CAT: variants seen among roughly 807,000 people sequenced by gnomAD.
CAT encodes epididymis secretory sperm binding protein.
CAT carries 43 observed loss-of-function variants against 59.0 expected under a neutral mutation model. That is an observed-to-expected ratio of 0.73 (90% CI 0.57 to 0.94). The LOEUF (loss-of-function observed/expected upper bound fraction) is 0.94. CAT is among the 40% of genes least tolerant of loss of function. The pLI, the probability that CAT is intolerant of heterozygous loss-of-function variation, is 0.00. For missense variants in CAT, 664 were observed against 682.9 expected, an observed-to-expected ratio of 0.97 and a Z score of 0.31; for synonymous variants, 218 against 230.9, an observed-to-expected ratio of 0.94 and a Z score of 0.51.
chr11:34,455,954 A>C, intron 6 of CAT, 57 bp from the exon 7 acceptor site: 1 of 1,480,574 alleles, frequency 6.8e-7, no homozygotes, highest in Non-Finnish European at 9.4e-7. Context: ...TTACTGATGA[A>C]ATTTTGATAA....
At chr11:34,439,741 G>C (rs1856364257) in intron 1 of CAT, among the ~76,000 whole-genome samples, 1 of 152,284 alleles carries the variant, frequency 6.6e-6, no homozygotes, top group East Asian at 1.9e-4. Context: ...TTCGGGGCAA[G>C]GTGTACAAAT....
intron 6 of CAT, 93 bp downstream of exon 6, chr11:34,454,019 C>T (rs1371515506): frequency 1.5e-6 from 2 of 1,367,764 alleles, no homozygotes; most frequent in Non-Finnish European, 2.1e-6. Flanking sequence ...AGGCTTCTCC[C>T]ACTTTTCCCT....
Position 34,449,238 on chromosome 11 carries a change from A to C in CAT, c.113A>C (p.Lys38Thr), listed in dbSNP as rs746898797. 1.2e-6 allele frequency: 2 copies of C among 1,614,182 alleles called. No individual in the cohort carries two copies. The highest frequency in any genetic ancestry group is 2.2e-5 in the South Asian group (2 of 91,080). Residue 38 changes from lysine to threonine, a missense_variant, in exon 2 of 13, where the codon AAA (lysine) becomes ACA (threonine). Coordinates refer to ENST00000241052, the MANE Select transcript of CAT (RefSeq NM_001752.4). ...GGAGCTGGTAACCCAGTAGGAGACA[A>C]ACTTAATGTTATTACAGTAGGGCCC... The part of the protein sequence containing the change: ...TTGAGNPVGD[K>T]LNVITVGPRG...
Position 34,456,023 on chromosome 11 carries a change from AT to A in CAT, c.725del (p.Ile242ThrfsTer43). The A allele has an allele frequency of 7.4e-6, 12 of 1,614,092 alleles. No individual in the cohort carries two copies. The highest frequency in any genetic ancestry group is 1.0e-5 in the Non-Finnish European group (12 of 1,179,986). On this transcript the variant is annotated frameshift_variant, in exon 7 of 13. Transcript: ENST00000241052. LOFTEE classifies it high-confidence loss of function. ...CKFHYKTDQG[I>X]KNLSVEDAAR... ...TTTCATTTTGTAGACTGACCAGGGC[AT>A]CAAAAACCTTTCTGTTGAAGATGCG... is the stretch of plus-strand genomic sequence containing the variant.
chr11:34,439,276 C>T (rs1356494004), intron 1 of CAT, among the ~76,000 whole-genome samples, 197 bp downstream of exon 1: 1 of 152,066 alleles, frequency 6.6e-6, no homozygotes, highest in Admixed American at 6.5e-5. Flanking sequence ...TAGTGGGGCG[C>T]GGGACTGCAG....
intron 2 of CAT, 33 bp from the exon 3 acceptor site, chr11:34,450,955 T>G: frequency 7.1e-7 from 1 of 1,407,508 alleles, no homozygotes; most frequent in Non-Finnish European, 1.0e-6. Context: ...AGTAATGGTC[T>G]CATGGTAAGG....
At chr11:34,452,235 C>A (rs759572483) in intron 4 of CAT, 28 bp downstream of exon 4, 2 of 1,607,920 alleles carry the variant, frequency 1.2e-6, no homozygotes, top group Non-Finnish European at 1.7e-6. Flanking sequence ...TTGCACTCAA[C>A]AAATGTTTGT....
At chr11:34,446,323 G>A (rs542279342) in intron 1 of CAT, among the ~76,000 whole-genome samples, 1 of 152,292 alleles carries the variant, frequency 6.6e-6, no homozygotes, top group South Asian at 2.1e-4. Flanking sequence ...TTAGAGTGGG[G>A]AAATGGAAGA....
chr11:34,452,161 T>C lies in CAT; in HGVS notation c.434T>C (p.Leu145Pro). 6.2e-7 allele frequency: 1 copy of C among 1,613,838 alleles called. No homozygotes were observed. ...KFYTEDGNWD[L>P]VGNNTPIFFI... ...TACACAGAAGATGGTAACTGGGATCTCGTTGGAAATAACACCCCCATTTTC... is the reference window on the plus strand; with the variant it reads ...TACACAGAAGATGGTAACTGGGATCCCGTTGGAAATAACACCCCCATTTTC... The change falls in exon 4 of 13, where the codon CTC becomes CCC. Residue 145 changes from leucine to proline, a missense_variant. Physicochemically the swap from Leu to Pro is moderately conservative, Grantham distance 98 (BLOSUM62 -3). Coordinates refer to ENST00000241052, the MANE Select transcript of CAT (RefSeq NM_001752.4).
At chr11:34,469,519 A>G (rs568559917) in intron 11 of CAT, among the ~76,000 whole-genome samples, 1 of 152,210 alleles carries the variant, frequency 6.6e-6, no homozygotes, top group South Asian at 2.1e-4. Context: ...TGTATCCTTC[A>G]CATTAACTTT....
At chr11:34,463,127 G>C (rs933485109) in intron 9 of CAT, among the ~76,000 whole-genome samples, 1 of 152,064 alleles carries the variant, frequency 6.6e-6, no homozygotes, top group African/African-American at 2.4e-5. Flanking sequence ...AGATTGGTTT[G>C]CTCAAACCAC....
chr11:34,462,994 A>G (rs1485607133), intron 9 of CAT, among the ~76,000 whole-genome samples: 1 of 152,146 alleles, frequency 6.6e-6, no homozygotes, highest in Non-Finnish European at 1.5e-5. Flanking sequence ...CTATAATAGT[A>G]TGGTGTTCTT....
rs565777532 is a variant in CAT at position 34,471,561 on chromosome 11, C to T, written c.*128C>T. 2 of 761,726 alleles carry T rather than the reference C, an allele frequency of 2.6e-6. No individual in the cohort carries two copies. Among genetic ancestry groups the T allele is most frequent in the Non-Finnish European group, 4.8e-6 (2 of 420,184 alleles). The allele number at this position is 761,726 out of a possible 1,614,324, so 47.2% of individuals were successfully genotyped here. ...AGTGGCTTCAAAATAGAGAATCCCACTTTCTATAGCAGATTGTGTAACAAT... is the reference window on the plus strand; with the variant it reads ...AGTGGCTTCAAAATAGAGAATCCCATTTTCTATAGCAGATTGTGTAACAAT... On this transcript the variant is annotated 3_prime_UTR_variant, in exon 13 of 13. Coordinates refer to ENST00000241052, the MANE Select transcript of CAT (RefSeq NM_001752.4).
intron 10 of CAT, 117 bp from the exon 11 acceptor site, chr11:34,468,171 T>C (rs1368315618): frequency 2.5e-6 from 2 of 801,662 alleles, no homozygotes; most frequent in Non-Finnish European, 4.3e-6. Context: ...AATTTAAAAT[T>C]ATTCTTAACT....
chr11:34,441,384 A>G (rs546255816), intron 1 of CAT, among the ~76,000 whole-genome samples: 45 of 152,254 alleles, frequency 3.0e-4, no homozygotes, highest in African/African-American at 1.1e-3. Context: ...AAGTTGTTTC[A>G]TGTATTAGCA....
chr11:34,439,616 T>C (rs553987682), intron 1 of CAT, among the ~76,000 whole-genome samples: 3 of 152,318 alleles, frequency 2.0e-5, no homozygotes, highest in Non-Finnish European at 2.9e-5. Flanking sequence ...TTACATTCAT[T>C]GTCTCATTTG....
chr11:34,446,089 T>G (rs982499925), intron 1 of CAT, among the ~76,000 whole-genome samples: 1 of 152,192 alleles, frequency 6.6e-6, no homozygotes, highest in Non-Finnish European at 1.5e-5. Context: ...CCTTCTAATA[T>G]TAATACTCTA....
At position 34,470,961 on chromosome 11, in the gene CAT, A is replaced by G. The variant is rs1232791498; in HGVS notation, c.1438A>G (p.Lys480Glu). Residue 480 changes from lysine to glutamate, a missense_variant, in exon 12 of 13, where the codon AAG (lysine) becomes GAG (glutamate). By Grantham distance (56) the Lys-to-Glu change is moderately conservative. Transcript: ENST00000241052. Reference sequence around the variant, plus strand: ...ATTTATTTTCCTTTGGCCTTAGGTCAAGAACTTCACTGAGGTCCACCCTGA... The same window carrying G: ...ATTTATTTTCCTTTGGCCTTAGGTCGAGAACTTCACTGAGGTCCACCCTGA... ...AQIFIQKKAV[K>E]NFTEVHPDYG... 6.2e-7 allele frequency: 1 copy of G among 1,613,772 alleles called. No homozygotes were observed. The highest frequency in any genetic ancestry group is 1.3e-5 in the African/African-American group (1 of 74,930).
At chr11:34,440,661 C>G (rs998033847) in intron 1 of CAT, among the ~76,000 whole-genome samples, 44 of 151,202 alleles carry the variant, frequency 2.9e-4, no homozygotes, top group Admixed American at 1.3e-4. Flanking sequence ...CTCCCGGATT[C>G]AAGCAATTCT....
Sources: allele counts gnomAD v4.1 joint callset (sites outside exome capture counted in the v4.1 genomes callset), GRCh38; gene constraint gnomAD v4.1.1; transcripts MANE v1.5; gene names NCBI Gene and HGNC (gene_info 2026-07-23, HGNC 2026-07-21).